TMEFF1: variants seen among roughly 807,000 people sequenced by gnomAD.
TMEFF1 encodes the protein transmembrane protein with EGF like and two follistatin like domains 1.
TMEFF1 carries 20 observed loss-of-function variants against 47.5 expected under a neutral mutation model. The observed-to-expected ratio is 0.42, with a 90% CI of 0.30 to 0.61. TMEFF1 has a LOEUF of 0.61. Among genes scored for constraint, TMEFF1 ranks in the 20% least tolerant of loss-of-function variants. The pLI, the probability that TMEFF1 is intolerant of heterozygous loss-of-function variation, is 0.19. For synonymous variants in TMEFF1, 162 were observed against 166.3 expected (o/e 0.97, Z 0.20); for missense variants, 411 against 471.1 (o/e 0.87, Z 1.18).
At chr9:100,486,819 G>A (rs1412346664) in intron 1 of TMEFF1, among the ~76,000 whole-genome samples, 2 of 152,024 alleles carry the variant, frequency 1.3e-5, no homozygotes, top group Non-Finnish European at 2.9e-5. Context: ...ATTATCTTTT[G>A]TAGTTACGGA....
At chr9:100,516,070 A>G (rs927942810) in intron 4 of TMEFF1, among the ~76,000 whole-genome samples, 3 of 151,904 alleles carry the variant, frequency 2.0e-5, no homozygotes, top group African/African-American at 7.3e-5. Context: ...AGACCTGCAT[A>G]CTTTTGTATC....
intron 7 of TMEFF1, among the ~76,000 whole-genome samples, chr9:100,553,851 A>G (rs986867559): frequency 1.3e-5 from 2 of 152,174 alleles, no homozygotes; most frequent in South Asian, 2.1e-4. Context: ...TATGGTTTTT[A>G]AAGGTGTAAT....
At chr9:100,548,333 A>G (rs1303355491) in intron 6 of TMEFF1, among the ~76,000 whole-genome samples, 1 of 152,188 alleles carries the variant, frequency 6.6e-6, no homozygotes, top group African/African-American at 2.4e-5. Flanking sequence ...CCCTGTACAT[A>G]TTATGTATGA....
intron 1 of TMEFF1, among the ~76,000 whole-genome samples, chr9:100,487,639 G>A (rs1196265557): frequency 6.6e-6 from 1 of 152,128 alleles, no homozygotes; most frequent in East Asian, 1.9e-4. Context: ...TTCTGGTTAT[G>A]GTAGTGTCTT....
chr9:100,524,353 C>G (rs1297812852), intron 5 of TMEFF1, among the ~76,000 whole-genome samples: 1 of 152,310 alleles, frequency 6.6e-6, no homozygotes, highest in Non-Finnish European at 1.5e-5. Context: ...TTGTGTTAAC[C>G]TAGCCATGGA....
At chr9:100,506,306 A>G (rs1837859676) in intron 2 of TMEFF1, among the ~76,000 whole-genome samples, 1 of 152,204 alleles carries the variant, frequency 6.6e-6, no homozygotes, top group South Asian at 2.1e-4. Flanking sequence ...AGGTAATGTG[A>G]AAAATTTGTT....
rs1326324090 is a variant in TMEFF1 at position 100,577,590 on chromosome 9, A to G, written c.*990A>G. 1 of 152,238 alleles carries G rather than the reference A, an allele frequency of 6.6e-6. No homozygotes were observed. The highest frequency in any genetic ancestry group is 2.4e-5 in the African/African-American group (1 of 41,462). The allele number at this position is 152,238 out of a possible 1,614,324, so 9.4% of individuals were successfully genotyped here. A position where few individuals can be genotyped will look rare whatever the true frequency, so the allele number is the denominator to read the frequency against. On this transcript the variant is annotated 3_prime_UTR_variant, in exon 10 of 10. Coordinates refer to ENST00000374879, the MANE Select transcript of TMEFF1 (RefSeq NM_003692.5). ...GAATATGTTAAAAATTATTAATTTT[A>G]ATATTTTGTTTGGAAAAGCATGTTA...
intron 5 of TMEFF1, among the ~76,000 whole-genome samples, chr9:100,526,959 A>G (rs1181243461): frequency 7.2e-6 from 1 of 139,422 alleles, no homozygotes; most frequent in Non-Finnish European, 1.6e-5. Flanking sequence ...AAAATACAAA[A>G]AAAAAAAAAA....
intron 7 of TMEFF1, among the ~76,000 whole-genome samples, chr9:100,559,051 T>TA (rs1156617988): frequency 2.0e-5 from 3 of 152,156 alleles, no homozygotes; most frequent in African/African-American, 7.2e-5. Flanking sequence ...GCTGTGTGCT[T>TA]AGCCATTATA....
intron 1 of TMEFF1, among the ~76,000 whole-genome samples, chr9:100,485,860 C>A (rs1382035330): frequency 6.6e-6 from 1 of 152,090 alleles, no homozygotes; most frequent in Non-Finnish European, 1.5e-5. Context: ...TATTGTAATT[C>A]CTTTGCTACT....
intron 4 of TMEFF1, 64 bp downstream of exon 4, chr9:100,513,397 T>G: frequency 6.7e-7 from 1 of 1,487,714 alleles, no homozygotes; most frequent in Non-Finnish European, 9.0e-7. Flanking sequence ...CTTTTTCTTT[T>G]TTTTTTTTTT....
intron 5 of TMEFF1, chr9:100,518,341 AGAGCAACTC>A: frequency 1.5e-6 from 1 of 657,684 alleles, no homozygotes; most frequent in Non-Finnish European, 1.9e-6. Flanking sequence ...ATTCCCAATC[AGAGCAACTC>A]TGTTGTGTTT....
At chr9:100,538,233 G>C (rs972246461) in intron 5 of TMEFF1, among the ~76,000 whole-genome samples, 1 of 152,028 alleles carries the variant, frequency 6.6e-6, no homozygotes, top group Non-Finnish European at 1.5e-5. Flanking sequence ...TGTTTTTGTA[G>C]TTTTAGTAGA....
intron 5 of TMEFF1, among the ~76,000 whole-genome samples, chr9:100,539,494 T>C (rs1178162778): frequency 6.6e-6 from 1 of 152,134 alleles, no homozygotes; most frequent in Non-Finnish European, 1.5e-5. Context: ...CTTGCTGTCT[T>C]CAGGAGTGAA....
chr9:100,560,071 C>T (rs1838985638), intron 7 of TMEFF1, among the ~76,000 whole-genome samples: 1 of 152,060 alleles, frequency 6.6e-6, no homozygotes, highest in African/African-American at 2.4e-5. Flanking sequence ...TTGATCTTCT[C>T]CATACACATA....
intron 6 of TMEFF1, among the ~76,000 whole-genome samples, chr9:100,548,813 C>T (rs906795381): frequency 3.9e-5 from 6 of 152,152 alleles, no homozygotes; most frequent in Admixed American, 3.3e-4. Context: ...ACCCAGGAAG[C>T]TCATCAGACA....
chr9:100,525,372 T>C (rs533678887), intron 5 of TMEFF1, among the ~76,000 whole-genome samples: 1 of 152,234 alleles, frequency 6.6e-6, no homozygotes, highest in Admixed American at 6.5e-5. Flanking sequence ...GGAGTTCCCA[T>C]GCCCTAGCTA....
intron 6 of TMEFF1, 140 bp downstream of exon 6, chr9:100,548,032 T>A: frequency 9.7e-7 from 1 of 1,029,020 alleles, no homozygotes; most frequent in Non-Finnish European, 1.2e-6. Flanking sequence ...ATATTTCAGA[T>A]TTTTTATTAC....
rs1164121081 is a variant in TMEFF1, at chr9:100,526,984, GA to G, written c.560+10222del. ...AAAAAAAAAAAAAAAAAAAAAAAGGGAAAAAAAAATTAGCCGGGCGTGGTGG... is the reference window on the plus strand; with the variant it reads ...AAAAAAAAAAAAAAAAAAAAAAAGGGAAAAAAAATTAGCCGGGCGTGGTGG... On this transcript the variant is annotated intron_variant, in intron 5 of 9. Transcript: ENST00000374879. 3.2e-3 allele frequency among the ~76,000 whole-genome samples: 452 copies of G among 142,070 alleles called. 1 individual carries two copies. Among genetic ancestry groups the G allele is most frequent in the Non-Finnish European group, 5.3e-3 (342 of 64,946 alleles). 93.2% of individuals were successfully genotyped at this position (142,070 alleles called of 152,430 possible). A position where few individuals can be genotyped will look rare whatever the true frequency, so the allele number is the denominator to read the frequency against.
Sources: gnomAD v4.1 joint callset for allele counts (sites outside exome capture counted in the v4.1 genomes callset) on GRCh38, gnomAD v4.1.1 for gene constraint, MANE v1.5 for transcripts, NCBI Gene and HGNC (gene_info 2026-07-23, HGNC 2026-07-21) for gene names.